Variants in SEMA3E observed in about 807,000 individuals in gnomAD.
SEMA3E encodes the protein semaphorin 3E.
A neutral mutation model predicts 93.6 loss-of-function variants in SEMA3E; 49 were observed. The ratio of observed to expected loss-of-function variants is 0.52; its 90% confidence interval spans 0.42 to 0.66. SEMA3E has a LOEUF of 0.66. Among genes scored for constraint, SEMA3E ranks in the 30% least tolerant of loss-of-function variants. The pLI, the probability that SEMA3E is intolerant of heterozygous loss-of-function variation, is 0.00. For missense variants in SEMA3E, 906 were observed against 964.8 expected (o/e 0.94, Z 0.81); for synonymous variants, 363 against 330.7 (o/e 1.10, Z -1.06).
chr7:83,403,306 G>A (rs1403662667), intron 9 of SEMA3E, among the ~76,000 whole-genome samples: 1 of 151,784 alleles, frequency 6.6e-6, no homozygotes, highest in African/African-American at 2.4e-5. Context: ...TTTAGCGGGG[G>A]TTCATGTAAA....
intron 1 of SEMA3E, among the ~76,000 whole-genome samples, chr7:83,565,471 T>C (rs1346997756): frequency 6.6e-6 from 1 of 152,184 alleles, no homozygotes; most frequent in African/African-American, 2.4e-5. Context: ...CGTATACCTA[T>C]GGAACAAACC....
chr7:83,464,822 G>C (rs1011586137), intron 4 of SEMA3E, among the ~76,000 whole-genome samples: 1 of 147,150 alleles, frequency 6.8e-6, no homozygotes, highest in Non-Finnish European at 1.5e-5. Flanking sequence ...AATCCTGCTT[G>C]AAGCAGCCCT....
At position 83,405,951 on chromosome 7, in the gene SEMA3E, C is replaced by A. The variant is rs868169346; in HGVS notation, c.922G>T (p.Glu308Ter). ...GMNGIDTYFD[E>*]LEDVFLLPTR... ...TTCACCTAAAAACATTTACCTAATTCATCAAAATATGTGTCAATTCCATTC... is the reference window on the plus strand; with the variant it reads ...TTCACCTAAAAACATTTACCTAATTAATCAAAATATGTGTCAATTCCATTC... The change falls in exon 8 of 17, where the codon GAA (glutamate) becomes TAA (stop). Residue 308 changes from glutamate (E) to a stop codon, truncating the protein, a stop_gained. Coordinates refer to ENST00000643230, the MANE Select transcript of SEMA3E (RefSeq NM_012431.3). LOFTEE classifies it high-confidence loss of function. 1 of 1,608,412 alleles carries A rather than the reference C, an allele frequency of 6.2e-7. No individual in the cohort carries two copies. The highest frequency in any genetic ancestry group is 8.5e-7 in the Non-Finnish European group (1 of 1,175,202).
At chr7:83,530,231 G>C (rs1251062009) in intron 1 of SEMA3E, among the ~76,000 whole-genome samples, 4 of 152,010 alleles carry the variant, frequency 2.6e-5, no homozygotes, top group Admixed American at 2.6e-4. Context: ...CTGTGAGTAG[G>C]TAATATGATT....
intron 4 of SEMA3E, among the ~76,000 whole-genome samples, chr7:83,420,772 C>T (rs1257691564): frequency 3.3e-5 from 5 of 152,104 alleles, no homozygotes; most frequent in Non-Finnish European, 5.9e-5. Context: ...GCTAGCCATA[C>T]GCAGAAGAAT....
At chr7:83,382,154 C>T (rs547047792) in intron 16 of SEMA3E, among the ~76,000 whole-genome samples, 48 of 152,098 alleles carry the variant, frequency 3.2e-4, no homozygotes, top group African/African-American at 1.1e-3. Flanking sequence ...ATTTTGATTT[C>T]AGAAGATTTT....
At chr7:83,473,927 C>G (rs1789954809) in intron 2 of SEMA3E, among the ~76,000 whole-genome samples, 1 of 151,674 alleles carries the variant, frequency 6.6e-6, no homozygotes, top group South Asian at 2.1e-4. Context: ...AATCTTGTCT[C>G]TATGAAAAAT....
At chr7:83,480,769 A>C (rs899941266) in intron 2 of SEMA3E, among the ~76,000 whole-genome samples, 3 of 152,210 alleles carry the variant, frequency 2.0e-5, no homozygotes, top group Non-Finnish European at 4.4e-5. Flanking sequence ...TTAAATAACT[A>C]TGCATTATGT....
At chr7:83,507,432 GT>G (rs1790725834) in intron 1 of SEMA3E, among the ~76,000 whole-genome samples, 2 of 105,540 alleles carry the variant, frequency 1.9e-5, no homozygotes, top group African/African-American at 5.0e-5. Flanking sequence ...CTCTGTGTGT[GT>G]GTGTGTGTGT....
chr7:83,401,385 A>G (rs1457809623), intron 10 of SEMA3E, among the ~76,000 whole-genome samples: 4 of 152,096 alleles, frequency 2.6e-5, no homozygotes, highest in African/African-American at 9.7e-5. Context: ...GGTTTTTAAA[A>G]TCAGACCATA....
At position 83,367,917 on chromosome 7, in the gene SEMA3E, C is replaced by T. The variant is rs779454555; in HGVS notation, c.1997G>A (p.Arg666His). Residue 666 changes from arginine (R) to histidine (H), a missense_variant, in exon 17 of 17, where the codon CGT becomes CAT. Arg to His is a conservative substitution (Grantham distance 29). Transcript: ENST00000643230. ...TTCCACTACCTCCAAGGTGATTTTA[C>T]GGACCGTATGGACAAAGCTATGCTC... Reference protein sequence around the residue: ...TVEHSFVHTVRKITLEVVEEE... With the variant: ...TVEHSFVHTVHKITLEVVEEE... The T allele has an allele frequency of 1.1e-5, 17 of 1,610,308 alleles. No homozygotes were observed. Among genetic ancestry groups the T allele is most frequent in the Middle Eastern group, 1.7e-4 (1 of 6,060 alleles).
chr7:83,579,782 C>A (rs1792482494), intron 1 of SEMA3E, among the ~76,000 whole-genome samples: 1 of 152,022 alleles, frequency 6.6e-6, no homozygotes, highest in Non-Finnish European at 1.5e-5. Flanking sequence ...GAAGTCACTA[C>A]TAAATAATTT....
chr7:83,626,886 A>G (rs1003017889), intron 1 of SEMA3E, among the ~76,000 whole-genome samples: 6 of 152,182 alleles, frequency 3.9e-5, no homozygotes, highest in Admixed American at 3.9e-4. Context: ...GCTGTGTCCC[A>G]AAGATTCTGG....
chr7:83,520,216 T>G (rs1039108660), intron 1 of SEMA3E, among the ~76,000 whole-genome samples: 2 of 152,086 alleles, frequency 1.3e-5, no homozygotes, highest in Admixed American at 6.6e-5. Flanking sequence ...TTTACATCCC[T>G]TCTTTCAAGT....
At chr7:83,558,387 A>G (rs17157820) in intron 1 of SEMA3E, among the ~76,000 whole-genome samples, 2,678 of 152,194 alleles carry the variant, frequency 0.018, 78 homozygotes, top group African/African-American at 0.059. Flanking sequence ...TTTACTGAAT[A>G]ATTTTGTGGT....
At chr7:83,645,354 T>A (rs528221127) in intron 1 of SEMA3E, among the ~76,000 whole-genome samples, 14 of 152,136 alleles carry the variant, frequency 9.2e-5, no homozygotes, top group African/African-American at 3.1e-4. Flanking sequence ...TGCATAACTA[T>A]TCATGAACTT....
intron 1 of SEMA3E, among the ~76,000 whole-genome samples, chr7:83,573,334 A>G (rs1792325737): frequency 6.6e-6 from 1 of 152,008 alleles, no homozygotes; most frequent in Admixed American, 6.6e-5. Context: ...TTTTTCAACT[A>G]TCCTAATATT....
intron 1 of SEMA3E, among the ~76,000 whole-genome samples, chr7:83,577,713 T>G (rs1792434952): frequency 6.6e-6 from 1 of 152,088 alleles, no homozygotes; most frequent in Admixed American, 6.5e-5. Flanking sequence ...ATGTTAGAGG[T>G]TTTAAAGCAT....
At chr7:83,508,051 G>A (rs1310605701) in intron 1 of SEMA3E, among the ~76,000 whole-genome samples, 1 of 152,004 alleles carries the variant, frequency 6.6e-6, no homozygotes, top group Non-Finnish European at 1.5e-5. Context: ...TGATATTGAG[G>A]CATTTAAAAC....
Sources: gnomAD v4.1 joint callset for allele counts (sites outside exome capture counted in the v4.1 genomes callset) on GRCh38, gnomAD v4.1.1 for gene constraint, MANE v1.5 for transcripts, NCBI Gene and HGNC (gene_info 2026-07-23, HGNC 2026-07-21) for gene names.